The following MEGF6 variants were observed in gnomAD, a reference collection of about 807,000 sequenced individuals.
The protein encoded by MEGF6 is multiple EGF like domains 6, also known as multiple epidermal growth factor-like domains protein 6.
A neutral mutation model predicts 207.1 loss-of-function variants in MEGF6; 184 were observed. The ratio of observed to expected loss-of-function variants is 0.89; its 90% CI spans 0.79 to 1.00. The LOEUF is 1.00. MEGF6 is among the 50% of genes least tolerant of loss of function. The pLI is 0.00. For missense variants in MEGF6, 2,282 were observed against 2,202.9 expected (o/e 1.04, Z -0.72); for synonymous variants, 1,038 against 910.0 (o/e 1.14, Z -2.53).
intron 24 of MEGF6, 119 bp downstream of exon 24, chr1:3,499,019 C>T: frequency 6.9e-7 from 1 of 1,452,792 alleles, no homozygotes; most frequent in Non-Finnish European, 9.3e-7. Context: ...GCACGGTCCT[C>T]AGTCCTAACA....
At chr1:3,595,581 G>A (rs955991458) in intron 2 of MEGF6, 134 bp from the exon 3 acceptor site, 3 of 703,936 alleles carry the variant, frequency 4.3e-6, no homozygotes, top group Non-Finnish European at 4.8e-6. Flanking sequence ...CAAGGTTCCT[G>A]GGTGGGGTGG....
chr1:3,611,495 G>A lies in MEGF6; in HGVS notation c.-227C>T. The A allele has an allele frequency of 2.0e-6, 1 of 510,624 alleles. No homozygotes were observed. Among genetic ancestry groups the A allele is most frequent in the Non-Finnish European group, 3.1e-6 (1 of 318,192 alleles). 31.6% of individuals were successfully genotyped at this position (510,624 alleles called of 1,614,324 possible). ...CCACCCTGCAGGAACTCGCCCCGGC[G>A]CGTTGAGCACAGTGCCCCGGACTCA... is the stretch of plus-strand genomic sequence containing the variant. On this transcript the variant is annotated 5_prime_UTR_variant, in exon 1 of 37. Transcript: ENST00000356575.
rs1479864871 is a variant in MEGF6 at position 3,494,063 on chromosome 1, G to T, written c.4191C>A (p.Ala1397=). Residue 1397 remains alanine (A), a synonymous_variant, in exon 33 of 37, where the codon GCC becomes GCA. Coordinates refer to ENST00000356575, the MANE Select transcript of MEGF6 (RefSeq NM_001409.4). ...CQGLCWCQHG[A]PCDPISGRCL... Reference sequence around the variant, plus strand: ...ATCGGCCACTGATGGGGTCGCAGGGGGCTCCATGTTGACACCAGCACAACC... The same window carrying T: ...ATCGGCCACTGATGGGGTCGCAGGGTGCTCCATGTTGACACCAGCACAACC... The T allele has an allele frequency of 6.2e-7, 1 of 1,605,978 alleles. No homozygotes were observed. Among genetic ancestry groups the T allele is most frequent in the Non-Finnish European group, 8.5e-7 (1 of 1,176,242 alleles).
chr1:3,492,156 C>T (rs1168172020), intron 35 of MEGF6, among the ~76,000 whole-genome samples: 1 of 152,154 alleles, frequency 6.6e-6, no homozygotes, highest in Non-Finnish European at 1.5e-5. Context: ...GTGCCACACA[C>T]ATGTACTGGC....
At chr1:3,522,836 G>C (rs1641806676) in intron 5 of MEGF6, among the ~76,000 whole-genome samples, 1 of 152,156 alleles carries the variant, frequency 6.6e-6, no homozygotes, top group African/African-American at 2.4e-5. Context: ...TCGAGAAAAG[G>C]ACGTGCCCCC....
At position 3,511,041 on chromosome 1, in the gene MEGF6, A is replaced by G. The variant is rs978685263; in HGVS notation, c.1115-139T>C. 36 of 1,248,552 alleles carry G rather than the reference A, an allele frequency of 2.9e-5. No individual in the cohort carries two copies. In the East Asian group the frequency reaches 9.0e-4, roughly 31 times the overall value. 77.3% of individuals were successfully genotyped at this position (1,248,552 alleles called of 1,614,324 possible). ...CAGCTGCCCACAGCCTCACGTGTGC[A>G]CACCGACATTCATGGCACCTGCAGA... On this transcript the variant is annotated intron_variant, in intron 9 of 36. Coordinates refer to ENST00000356575, the MANE Select transcript of MEGF6 (RefSeq NM_001409.4).
intron 34 of MEGF6, chr1:3,493,001 G>C (rs1029772639): frequency 5.2e-6 from 3 of 574,166 alleles, no homozygotes; most frequent in African/African-American, 3.7e-5. Context: ...AGAAAGCCCA[G>C]GCCCCAGGCA....
chr1:3,508,487 A>G, intron 13 of MEGF6, 71 bp downstream of exon 13: 1 of 1,554,474 alleles, frequency 6.4e-7, no homozygotes, highest in Non-Finnish European at 8.7e-7. Flanking sequence ...GAATGGGCTC[A>G]AAGGGCTGTC....
chr1:3,584,617 TC>T (rs1309513341), intron 3 of MEGF6, among the ~76,000 whole-genome samples: 1 of 152,048 alleles, frequency 6.6e-6, no homozygotes, highest in Non-Finnish European at 1.5e-5. Flanking sequence ...TGGCCTGTGT[TC>T]CCCCACACCA....
intron 5 of MEGF6, among the ~76,000 whole-genome samples, chr1:3,516,164 T>G (rs1029421643): frequency 6.6e-6 from 1 of 152,216 alleles, no homozygotes; most frequent in Admixed American, 6.5e-5. Context: ...CTGCAGAGCA[T>G]GGACTGTGGG....
Position 3,506,291 on chromosome 1 carries a change from G to T in MEGF6, c.1790-55C>A. The T allele has an allele frequency of 2.5e-6, 4 of 1,586,226 alleles. No individual in the cohort carries two copies. The Admixed American group carries it at 6.9e-5, about 28-fold the overall frequency. ...TGGTGGCAGCCAGCCTACCACATGTGGTCCCCCCATGTGGTAGGATGCGCG... is the reference window on the plus strand; with the variant it reads ...TGGTGGCAGCCAGCCTACCACATGTTGTCCCCCCATGTGGTAGGATGCGCG... On this transcript the variant is annotated intron_variant, in intron 14 of 36. Coordinates refer to ENST00000356575, the MANE Select transcript of MEGF6 (RefSeq NM_001409.4).
chr1:3,499,846 C>T lies in MEGF6; in HGVS notation c.2786G>A (p.Ser929Asn), dbSNP rs1405642756. ...CQHGAACDHV[S>N]GACTCPAGWR... ...GCCGGCCGGGCAGGTGCAGGCCCCG[C>T]TGACGTGGTCACAGGCTGCTCCATG... Residue 929 changes from serine (S) to asparagine (N), a missense_variant, in exon 22 of 37, where the codon AGC becomes AAC. Ser to Asn is a conservative substitution (Grantham distance 46, BLOSUM62 1). Transcript: ENST00000356575. The T allele has an allele frequency of 6.4e-7, 1 of 1,554,136 alleles. No homozygotes were observed. Among genetic ancestry groups the T allele is most frequent in the African/African-American group, 1.4e-5 (1 of 73,366 alleles).
intron 4 of MEGF6, among the ~76,000 whole-genome samples, chr1:3,533,107 G>A (rs1006674164): frequency 2.6e-5 from 4 of 152,234 alleles, no homozygotes; most frequent in Non-Finnish European, 4.4e-5. Flanking sequence ...AGCCTGCCCA[G>A]TGCTAAGATG....
chr1:3,605,566 TCACATACACA>T (rs71580212), intron 1 of MEGF6, among the ~76,000 whole-genome samples: 1 of 147,388 alleles, frequency 6.8e-6, no homozygotes, highest in Non-Finnish European at 1.5e-5. Flanking sequence ...ACTCATACAC[TCACATACACA>T]CACATACACT....
chr1:3,580,645 C>T (rs994612689), intron 3 of MEGF6, among the ~76,000 whole-genome samples: 1 of 147,384 alleles, frequency 6.8e-6, no homozygotes, highest in Non-Finnish European at 1.5e-5. Flanking sequence ...ACAGCAGGTG[C>T]CCCCCAGGCT....
rs200354077 is a variant in MEGF6, at chr1:3,602,556, C to T, written c.176G>A (p.Arg59His). Residue 59 changes from arginine to histidine, a missense_variant, in exon 2 of 37, where the codon CGC becomes CAC. Physicochemically the swap from Arg to His is conservative, Grantham distance 29. Transcript: ENST00000356575. ...AEQELTLVGR[R>H]QPCVQALSHT... ...GCTTAAGGCCTGCACGCACGGCTGG[C>T]GGCGGCCCACCAGGGTCAGCTCCTG... The T allele has an allele frequency of 1.4e-5, 22 of 1,611,960 alleles. No homozygotes were observed. The highest frequency in any genetic ancestry group is 2.2e-5 in the East Asian group (1 of 44,872).
intron 3 of MEGF6, among the ~76,000 whole-genome samples, chr1:3,587,641 A>G (rs1445631372): frequency 1.3e-5 from 2 of 152,244 alleles, no homozygotes; most frequent in Non-Finnish European, 1.5e-5. Flanking sequence ...AGCCTCTGTG[A>G]TAGAAATAGC....
intron 27 of MEGF6, 22 bp downstream of exon 27, chr1:3,497,211 G>T: frequency 3.3e-6 from 5 of 1,517,698 alleles, no homozygotes; most frequent in Non-Finnish European, 4.4e-6. Context: ...GCTCCTCGGG[G>T]TGGGGGCTTG....
At position 3,594,857 on chromosome 1, in the gene MEGF6, G is replaced by A. The variant is rs1644034256; in HGVS notation, c.376+481C>T. Among the ~76,000 whole-genome samples the A allele has an allele frequency of 6.6e-6, 1 of 152,230 alleles. No homozygotes were observed. Among genetic ancestry groups the A allele is most frequent in the South Asian group, 2.1e-4 (1 of 4,834 alleles). ...AATTGTGCTGGCTACATAACGGAGA[G>A]AGGAAGGAGCGGCTCCCTTACACCC... On this transcript the variant is annotated intron_variant, in intron 3 of 36. Coordinates refer to ENST00000356575, the MANE Select transcript of MEGF6 (RefSeq NM_001409.4). The surrounding 1 kb of genome is among the most constrained non-coding windows in gnomAD (Gnocchi z 4.2).
Sources: allele counts gnomAD v4.1 joint callset (sites outside exome capture counted in the v4.1 genomes callset), GRCh38; gene constraint gnomAD v4.1.1; non-coding constraint Gnocchi (gnomAD v3.1); transcripts MANE v1.5; gene names NCBI Gene and HGNC (gene_info 2026-07-23, HGNC 2026-07-21).